ARAP3: variants seen among roughly 807,000 people sequenced by gnomAD.
ARAP3 encodes the protein ArfGAP with RhoGAP domain, ankyrin repeat and PH domain 3.
ARAP3 carries 82 observed loss-of-function variants against 169.2 expected under a neutral mutation model. The observed-to-expected ratio is 0.48, with a 90% CI of 0.41 to 0.58. The LOEUF is 0.58. Among genes scored for constraint, ARAP3 ranks in the 20% least tolerant of loss-of-function variants. The pLI is 0.00. For synonymous variants in ARAP3, 791 were observed against 800.3 expected (o/e 0.99, Z 0.20); for missense variants, 1,764 against 2,018.0 (o/e 0.87, Z 2.41).
chr5:141,664,665 G>C (rs567358968), intron 19 of ARAP3, among the ~76,000 whole-genome samples: 1 of 152,232 alleles, frequency 6.6e-6, no homozygotes, highest in African/African-American at 2.4e-5. Flanking sequence ...GGCTTGACAG[G>C]CATTGTCTCA....
In ARAP3 at chr5:141,662,091, C is replaced by T; in HGVS notation, c.2965G>A (p.Asp989Asn). The T allele has an allele frequency of 6.2e-7, 1 of 1,614,202 alleles. No homozygotes were observed. Among genetic ancestry groups the T allele is most frequent in the Non-Finnish European group, 8.5e-7 (1 of 1,180,038 alleles). ...TLKRFFRELD[D>N]PVTSARLLPR... is the part of the protein sequence containing the mutation. ...AGCAACCGTGCAGAGGTCACAGGGTCATCGAGCTCACGAAAGAAGCGTTTG... is the reference window on the plus strand; with the variant it reads ...AGCAACCGTGCAGAGGTCACAGGGTTATCGAGCTCACGAAAGAAGCGTTTG... Residue 989 changes from aspartate (D) to asparagine (N), a missense_variant, in exon 20 of 33, where the codon GAC becomes AAC. This residue lies in a region of ARAP3 where 1,112 missense variants were observed against 1,285.7 expected (regional missense o/e 0.86). Coordinates refer to ENST00000239440, the MANE Select transcript of ARAP3 (RefSeq NM_022481.6).
Position 141,673,719 on chromosome 5 carries a change from A to C in ARAP3, c.788T>G (p.Leu263Arg), listed in dbSNP as rs760984587. ...PGDSTLLSPT[L>R]ETEETSDDLI... ...GTCATCACTGGTCTCCTCTGTTTCC[A>C]GGGTGGGCGATAAGAGGGTGGAGTC... is the stretch of plus-strand genomic sequence containing the variant. Residue 263 changes from leucine to arginine, a missense_variant, in exon 5 of 33, where the codon CTG (leucine) becomes CGG (arginine). Physicochemically the swap from Leu to Arg is moderately radical, Grantham distance 102 (BLOSUM62 -2). This residue lies in a region of ARAP3 where 630 missense variants were observed against 678.7 expected (regional missense o/e 0.93). Transcript: ENST00000239440. The C allele has an allele frequency of 1.1e-5, 18 of 1,614,182 alleles. No homozygotes were observed. The highest frequency in any genetic ancestry group is 1.5e-5 in the Non-Finnish European group (18 of 1,180,038).
At position 141,669,787 on chromosome 5, in the gene ARAP3, G is replaced by A; in HGVS notation, c.2274C>T (p.Ile758=). Residue 758 remains isoleucine (I), a synonymous_variant, in exon 16 of 33, where the codon ATC becomes ATT. Coordinates refer to ENST00000239440, the MANE Select transcript of ARAP3 (RefSeq NM_022481.6). ...GDRFPFSFEL[I]LAGGRIQHFG... is the part of the protein sequence containing the mutation. The stretch of plus-strand genomic sequence containing the variant: ...AATGCTGGATCCTCCCCCCAGCGAG[G>A]ATGAGCTCAAAGGAAAAGGGGAACC... 6.2e-7 allele frequency: 1 copy of A among 1,614,154 alleles called. No homozygotes were observed. Among genetic ancestry groups the A allele is most frequent in the Non-Finnish European group, 8.5e-7 (1 of 1,180,014 alleles).
Position 141,657,768 on chromosome 5 carries a change from T to C in ARAP3, c.3526+597A>G, listed in dbSNP as rs148700953. Among the ~76,000 whole-genome samples, 1,128 of 152,246 alleles carry C rather than the reference T, an allele frequency of 7.4e-3. 22 individuals carry two copies. Among genetic ancestry groups the C allele is most frequent in the African/African-American group, 0.026 (1,071 of 41,542 alleles). On this transcript the variant is annotated intron_variant, in intron 25 of 32. Transcript: ENST00000239440. ...AGGACTCCCAGGTTTCTGGCCTTAA[T>C]CACTGGGTGAATTGTGGTACCATTT...
At position 141,657,782 on chromosome 5, in the gene ARAP3, G is replaced by T. The variant is rs1018654416; in HGVS notation, c.3526+583C>A. Among the ~76,000 whole-genome samples, 3 of 152,276 alleles carry T rather than the reference G, an allele frequency of 2.0e-5. No homozygotes were observed. In the East Asian group the frequency reaches 5.8e-4, roughly 29 times the overall value. The stretch of plus-strand genomic sequence containing the variant: ...TCTGGCCTTAATCACTGGGTGAATT[G>T]TGGTACCATTTACTGAGTTGGGAAA... On this transcript the variant is annotated intron_variant, in intron 25 of 32. Transcript: ENST00000239440.
rs1326564241 is a variant in ARAP3 at position 141,672,123 on chromosome 5, C to T, written c.1564G>A (p.Val522Ile). The stretch of plus-strand genomic sequence containing the variant: ...TCACCTGCACACTGCTTGCAGATGA[C>T]CACCCCCAAATTGACAGCAGCCCAA... ...PDWAAVNLGV[V>I]ICKQCAGQHR... The change falls in exon 10 of 33, where the codon GTC (valine) becomes ATC (isoleucine). Residue 522 changes from valine to isoleucine, a missense_variant. Transcript: ENST00000239440. The surrounding 1 kb of genome is among the most constrained non-coding windows in gnomAD (Gnocchi z 4.9). The T allele has an allele frequency of 1.9e-6, 3 of 1,614,182 alleles. No individual in the cohort carries two copies. The highest frequency in any genetic ancestry group is 2.2e-5 in the East Asian group (1 of 44,874).
chr5:141,662,092 A>G lies in ARAP3; in HGVS notation c.2964T>C (p.Asp988=). The change falls in exon 20 of 33, where the codon GAT becomes GAC. Residue 988 remains aspartate (D), a synonymous_variant. Coordinates refer to ENST00000239440, the MANE Select transcript of ARAP3 (RefSeq NM_022481.6). ...GCAACCGTGCAGAGGTCACAGGGTC[A>G]TCGAGCTCACGAAAGAAGCGTTTGA... ...DTLKRFFREL[D]DPVTSARLLP... The G allele has an allele frequency of 6.2e-7, 1 of 1,614,236 alleles. No homozygotes were observed. Among genetic ancestry groups the G allele is most frequent in the Non-Finnish European group, 8.5e-7 (1 of 1,180,044 alleles).
intron 16 of ARAP3, among the ~76,000 whole-genome samples, chr5:141,668,019 G>A (rs190261065): frequency 2.6e-5 from 4 of 151,970 alleles, no homozygotes; most frequent in Admixed American, 2.6e-4. Context: ...TGTAGCCTGG[G>A]AGACAAGAGC....
intron 20 of ARAP3, 95 bp from the exon 21 acceptor site, chr5:141,661,884 G>A: frequency 6.8e-7 from 1 of 1,469,732 alleles, no homozygotes; most frequent in Non-Finnish European, 9.5e-7. Flanking sequence ...ATGCAGGATG[G>A]ATGTGTCTCT....
intron 25 of ARAP3, among the ~76,000 whole-genome samples, 169 bp downstream of exon 25, chr5:141,658,196 A>C (rs567282155): frequency 6.6e-6 from 1 of 152,262 alleles, no homozygotes; most frequent in African/African-American, 2.4e-5. Context: ...AATACTGAGA[A>C]AGAGGGAGTG....
chr5:141,656,469 C>T (rs2099909288), intron 27 of ARAP3, 35 bp downstream of exon 27: 1 of 1,603,130 alleles, frequency 6.2e-7, no homozygotes, highest in Non-Finnish European at 8.5e-7. Context: ...TCCATGGCCA[C>T]CCAGCATCCC....
intron 1 of ARAP3, 98 bp from the exon 2 acceptor site, chr5:141,680,601 T>C (rs1427728269): frequency 1.4e-6 from 2 of 1,431,776 alleles, no homozygotes; most frequent in East Asian, 2.5e-5. Context: ...GCCTCCAATC[T>C]TCCTCCAAAG....
Position 141,669,943 on chromosome 5 carries a change from G to A in ARAP3, c.2228C>T (p.Pro743Leu). ...QDIVCLGVSP[P>L]PTDPGDRFPF... is the part of the protein sequence containing the mutation. ...TTACCTGTCACCTGGGTCAGTGGGT[G>A]GGGGGCTCACACCCAGACATACAAT... Residue 743 changes from proline (P) to leucine (L), a missense_variant, in exon 15 of 33, where the codon CCA becomes CTA. Physicochemically the swap from Pro to Leu is moderately conservative, Grantham distance 98. This residue lies in a region of ARAP3 where 1,112 missense variants were observed against 1,285.7 expected (regional missense o/e 0.86). Transcript: ENST00000239440. 1.2e-6 allele frequency: 2 copies of A among 1,600,720 alleles called. No individual in the cohort carries two copies. The highest frequency in any genetic ancestry group is 1.7e-6 in the Non-Finnish European group (2 of 1,173,380).
At chr5:141,677,200 A>C (rs1336581815) in intron 4 of ARAP3, among the ~76,000 whole-genome samples, 1 of 152,246 alleles carries the variant, frequency 6.6e-6, no homozygotes, top group Non-Finnish European at 1.5e-5. Flanking sequence ...GTATGTAATC[A>C]ACATAAAAAT....
intron 4 of ARAP3, among the ~76,000 whole-genome samples, chr5:141,675,771 T>G (rs577969484): frequency 6.6e-6 from 1 of 152,096 alleles, no homozygotes; most frequent in Non-Finnish European, 1.5e-5. Context: ...TGTTGAAAAC[T>G]GCTACTGCAG....
At chr5:141,673,836 A>T in intron 4 of ARAP3, 28 bp from the exon 5 acceptor site, 2 of 1,610,118 alleles carry the variant, frequency 1.2e-6, no homozygotes, top group East Asian at 4.5e-5. Context: ...AGGGAGGGAC[A>T]CACATTAGAC....
chr5:141,654,565 A>G (rs757606510), intron 32 of ARAP3, 130 bp from the exon 33 acceptor site: 153 of 1,333,246 alleles, frequency 1.1e-4, no homozygotes, highest in Non-Finnish European at 1.5e-4. Context: ...TTCTGGAACA[A>G]CCCTGTGCAG....
At position 141,679,747 on chromosome 5, in the gene ARAP3, G is replaced by C; in HGVS notation, c.586+14C>G. 1 of 1,614,132 alleles carries C rather than the reference G, an allele frequency of 6.2e-7. No homozygotes were observed. Among genetic ancestry groups the C allele is most frequent in the Non-Finnish European group, 8.5e-7 (1 of 1,180,022 alleles). On this transcript the variant is annotated intron_variant, in intron 3 of 32. Transcript: ENST00000239440. ...GCACTATCCCTCTCCCCCAACCCGTGATAACCCAGTTACCTGTGCCTGTTG... is the reference window on the plus strand; with the variant it reads ...GCACTATCCCTCTCCCCCAACCCGTCATAACCCAGTTACCTGTGCCTGTTG...
At position 141,658,650 on chromosome 5, in the gene ARAP3, A is replaced by T; in HGVS notation, c.3340T>A (p.Ser1114Thr). The T allele has an allele frequency of 6.3e-7, 1 of 1,586,826 alleles. No individual in the cohort carries two copies. The highest frequency in any genetic ancestry group is 2.2e-5 in the East Asian group (1 of 44,684). ...TCCATGATGAGGTCTCCAGCCTGAG[A>T]CAGCTGAGGGGAGGGGTAAAAAAGT... is the stretch of plus-strand genomic sequence containing the variant. ...LITTWKDVQLSQAGDLIMEVY... is the reference protein window; with the variant it reads ...LITTWKDVQLTQAGDLIMEVY... The change falls in exon 24 of 33, where the codon TCT (serine) becomes ACT (threonine). Residue 1114 changes from serine (S) to threonine (T), a missense_variant. Transcript: ENST00000239440.
Sources: allele counts gnomAD v4.1 joint callset (sites outside exome capture counted in the v4.1 genomes callset), GRCh38; gene constraint gnomAD v4.1.1; regional missense constraint gnomAD v4.1.1; non-coding constraint Gnocchi (gnomAD v3.1); transcripts MANE v1.5; gene names NCBI Gene and HGNC (gene_info 2026-07-23, HGNC 2026-07-21).